SEZ6L2: variants seen among roughly 807,000 people sequenced by gnomAD.
SEZ6L2 encodes the protein seizure related 6 homolog like 2.
SEZ6L2 carries 44 observed loss-of-function variants against 97.0 expected under a neutral mutation model. The observed-to-expected ratio is 0.45, with a 90% CI of 0.36 to 0.58. The LOEUF (loss-of-function observed/expected upper bound fraction) is 0.58. Among genes scored for constraint, SEZ6L2 ranks in the 20% least tolerant of loss-of-function variants. The pLI is 0.00. For missense variants in SEZ6L2, 1,086 were observed against 1,233.3 expected (o/e 0.88, Z 1.79); for synonymous variants, 543 against 546.1 (o/e 0.99, Z 0.08).
chr16:29,875,722 G>A (rs1262140359), intron 12 of SEZ6L2, among the ~76,000 whole-genome samples: 1 of 141,814 alleles, frequency 7.1e-6, no homozygotes, highest in Admixed American at 7.2e-5. Flanking sequence ...GAATGCAATG[G>A]CACAATCTCA....
intron 7 of SEZ6L2, 187 bp from the exon 8 acceptor site, chr16:29,885,936 T>C (rs2068130440): frequency 5.7e-6 from 3 of 523,282 alleles, no homozygotes; most frequent in Non-Finnish European, 9.8e-6. Context: ...CAGACACTAT[T>C]ATTATCCTTT....
chr16:29,873,616 C>T lies in SEZ6L2; in HGVS notation c.2218G>A (p.Glu740Lys), dbSNP rs138142804. The part of the protein sequence containing the change: ...QYRCLPGYSL[E>K]GAAMLTCYSR... ...TAGCAGGTGAGCATGGCTGCCCCCT[C>T]GAGGCTGTACCCTGGCAGGCAGCGG... The change falls in exon 13 of 18, where the codon GAG becomes AAG. Residue 740 changes from glutamate (E) to lysine (K), a missense_variant. Physicochemically the swap from Glu to Lys is moderately conservative, Grantham distance 56 (BLOSUM62 1). Coordinates refer to ENST00000617533, the MANE Select transcript of SEZ6L2 (RefSeq NM_001243332.2). This position sits in a 1 kb window ranked among gnomAD's most constrained non-coding sequence, Gnocchi z 4.3. 8 of 1,613,936 alleles carry T rather than the reference C, an allele frequency of 5.0e-6. No homozygotes were observed. The highest frequency in any genetic ancestry group is 3.3e-5 in the South Asian group (3 of 91,092).
At chr16:29,890,542 T>C (rs1269842960) in intron 5 of SEZ6L2, among the ~76,000 whole-genome samples, 2 of 152,122 alleles carry the variant, frequency 1.3e-5, no homozygotes, top group South Asian at 4.1e-4. Context: ...AACACAGTTT[T>C]GTGACTCCTT....
At chr16:29,878,265 C>A in intron 10 of SEZ6L2, 22 bp downstream of exon 10, 1 of 1,577,198 alleles carries the variant, frequency 6.3e-7, no homozygotes, top group Non-Finnish European at 8.6e-7. Flanking sequence ...CCCGTCGCAC[C>A]CTCTGCAGGA....
In SEZ6L2 at chr16:29,879,887, T is replaced by C; in HGVS notation, c.1550A>G (p.Asn517Ser). 6.2e-7 allele frequency: 1 copy of C among 1,610,822 alleles called. No individual in the cohort carries two copies. Among genetic ancestry groups the C allele is most frequent in the Non-Finnish European group, 8.5e-7 (1 of 1,177,622 alleles). Reference sequence around the variant, plus strand: ...ACCTTTGCAGGCCGGCTCTGTGTCGTTCCAGTGGGGTTCTGTGGGATCCAC... The same window carrying C: ...ACCTTTGCAGGCCGGCTCTGTGTCGCTCCAGTGGGGTTCTGTGGGATCCAC... ...ECVDPTEPHWNDTEPACKAMC... is the reference protein window; with the variant it reads ...ECVDPTEPHWSDTEPACKAMC... The change falls in exon 9 of 18, where the codon AAC becomes AGC. Residue 517 changes from asparagine (N) to serine (S), a missense_variant. Transcript: ENST00000617533.
chr16:29,888,803 C>A (rs1018736961), intron 5 of SEZ6L2, 78 bp from the exon 6 acceptor site: 24 of 1,336,246 alleles, frequency 1.8e-5, no homozygotes, highest in Non-Finnish European at 2.4e-5. Context: ...GCACTTCCCC[C>A]CTCTCCTTTC....
At chr16:29,877,606 C>T (rs1177741060) in intron 10 of SEZ6L2, 139 bp from the exon 11 acceptor site, 4 of 796,060 alleles carry the variant, frequency 5.0e-6, no homozygotes, top group Middle Eastern at 3.3e-4. Context: ...CCAGGTCTGG[C>T]GCCGCCTCCG....
rs115003985 is a variant in SEZ6L2 at position 29,896,778 on chromosome 16, A to G, written c.511+44T>C. The G allele has an allele frequency of 1.8e-3, 2,853 of 1,572,626 alleles. 29 individuals are homozygous for G. In the African/African-American group the frequency reaches 0.03, roughly 17 times the overall value. On this transcript the variant is annotated intron_variant, in intron 3 of 17. Coordinates refer to ENST00000617533, the MANE Select transcript of SEZ6L2 (RefSeq NM_001243332.2). The stretch of plus-strand genomic sequence containing the variant: ...TCTCTCCCATCCATCCCCAGCGTGT[A>G]CCTCTCCGGTCCTCCCACCCCCATC...
rs199736048 is a variant in SEZ6L2, at chr16:29,896,804, C to A, written c.511+18G>T. The A allele has an allele frequency of 5.6e-6, 9 of 1,610,056 alleles. No homozygotes were observed. The highest frequency in any genetic ancestry group is 7.6e-6 in the Non-Finnish European group (9 of 1,177,594). On this transcript the variant is annotated intron_variant, in intron 3 of 17. Coordinates refer to ENST00000617533, the MANE Select transcript of SEZ6L2 (RefSeq NM_001243332.2). ...CCTCTCCGGTCCTCCCACCCCCATC[C>A]CCTTGCTGTCGCCTCACCTGGGCTG...
In SEZ6L2 at chr16:29,875,502, T is replaced by C. The variant is rs1481342170; in HGVS notation, c.2104+1254A>G. On this transcript the variant is annotated intron_variant, in intron 12 of 17. Transcript: ENST00000617533. Reference sequence around the variant, plus strand: ...GGCGGGAAGCTTTGTCCAGCCCAAATCTGGCTACCTGAAGCTTCTCCCCTT... The same window carrying C: ...GGCGGGAAGCTTTGTCCAGCCCAAACCTGGCTACCTGAAGCTTCTCCCCTT... 2.0e-5 allele frequency among the ~76,000 whole-genome samples: 3 copies of C among 152,232 alleles called. No homozygotes were observed. In the East Asian group the frequency reaches 5.8e-4, roughly 29 times the overall value.
At chr16:29,888,463 C>T (rs2068194600) in intron 6 of SEZ6L2, 77 bp downstream of exon 6, 1 of 1,496,580 alleles carries the variant, frequency 6.7e-7, no homozygotes, top group Non-Finnish European at 9.1e-7. Context: ...AGGTGGACAC[C>T]TGGACACCCC....
chr16:29,878,517 A>G, intron 9 of SEZ6L2, 92 bp from the exon 10 acceptor site: 1 of 1,034,198 alleles, frequency 9.7e-7, no homozygotes. Context: ...CGTGCACCAC[A>G]TCACCTCGCT....
Position 29,873,724 on chromosome 16 carries a change from T to G in SEZ6L2, c.2110A>C (p.Thr704Pro). Residue 704 changes from threonine (T) to proline (P), a missense_variant, in exon 13 of 18, where the codon ACT becomes CCT. This residue lies in a region of SEZ6L2 where 310 missense variants were observed against 438.6 expected (regional missense o/e 0.71). Transcript: ENST00000617533. This position sits in a 1 kb window ranked among gnomAD's most constrained non-coding sequence, Gnocchi z 4.3. ...AAPPACQKIMTCADPGEIANG... is the reference protein window; with the variant it reads ...AAPPACQKIMPCADPGEIANG... ...GCAATCTCGCCAGGGTCAGCACAAG[T>G]CATGACTGGTGGCAGAAGAACAAGG... The G allele has an allele frequency of 6.3e-7, 1 of 1,577,648 alleles. No individual in the cohort carries two copies. Among genetic ancestry groups the G allele is most frequent in the Non-Finnish European group, 8.6e-7 (1 of 1,163,416 alleles).
Position 29,896,853 on chromosome 16 carries a change from C to G in SEZ6L2, c.480G>C (p.Thr160=). ...TGGTCACCGTAGTGGTAACAGTTGTCGTGGTGATGATGGTGGTCGTCGTCT... is the reference window on the plus strand; with the variant it reads ...TGGTCACCGTAGTGGTAACAGTTGTGGTGGTGATGATGGTGGTCGTCGTCT... ...EEETTTTIIT[T]TTVTTTVTSP... Residue 160 remains threonine (T), a synonymous_variant, in exon 3 of 18, where the codon ACG becomes ACC. Transcript: ENST00000617533. The G allele has an allele frequency of 6.2e-7, 1 of 1,614,054 alleles. No individual in the cohort carries two copies. Among genetic ancestry groups the G allele is most frequent in the Non-Finnish European group, 8.5e-7 (1 of 1,179,982 alleles).
At position 29,873,190 on chromosome 16, in the gene SEZ6L2, G is replaced by A. The variant is rs1437625768; in HGVS notation, c.2488+50C>T. 1 of 1,598,622 alleles carries A rather than the reference G, an allele frequency of 6.3e-7. No individual in the cohort carries two copies. The highest frequency in any genetic ancestry group is 8.5e-7 in the Non-Finnish European group (1 of 1,170,492). ...TGTGCTACCTGACTCTCCCAGCCCT[G>A]TCACTTCCCGGACACTGGTGTGCCC... On this transcript the variant is annotated intron_variant, in intron 14 of 17. Transcript: ENST00000617533. The surrounding 1 kb of genome is among the most constrained non-coding windows in gnomAD (Gnocchi z 4.3).
intron 10 of SEZ6L2, among the ~76,000 whole-genome samples, chr16:29,877,883 T>A (rs2067944571): frequency 6.6e-6 from 1 of 152,176 alleles, no homozygotes; most frequent in South Asian, 2.1e-4. Context: ...TTCTGTGCCA[T>A]CTCATGACAC....
At chr16:29,877,194 G>C in intron 11 of SEZ6L2, 77 bp downstream of exon 11, 1 of 1,420,848 alleles carries the variant, frequency 7.0e-7, no homozygotes, top group East Asian at 2.5e-5. Context: ...ACAGGCGTGA[G>C]CCACCACGAC....
rs764439495 is a variant in SEZ6L2, at chr16:29,872,716, C to T, written c.2516G>A (p.Arg839Gln). 20 of 1,603,934 alleles carry T rather than the reference C, an allele frequency of 1.2e-5. No individual in the cohort carries two copies. Among genetic ancestry groups the T allele is most frequent in the Non-Finnish European group, 1.4e-5 (17 of 1,174,734 alleles). ...KVAYEELLDN[R>Q]KLEVTQTTDP... ...GTGCTCTCACTGACCTTCCAGTTTT[C>T]GGTTGTCCAGGAGCTCCTCATAGGC... The change falls in exon 15 of 18, where the codon CGA becomes CAA. Residue 839 changes from arginine to glutamine, a missense_variant. Arg to Gln is a conservative substitution (Grantham distance 43). Around this residue, in one of 2 missense-constraint regions of SEZ6L2, gnomAD observed 310 missense variants for 438.6 expected, o/e 0.71. Coordinates refer to ENST00000617533, the MANE Select transcript of SEZ6L2 (RefSeq NM_001243332.2).
At chr16:29,879,368 G>A (rs1023412435) in intron 9 of SEZ6L2, among the ~76,000 whole-genome samples, 2 of 151,928 alleles carry the variant, frequency 1.3e-5, no homozygotes, top group African/African-American at 4.8e-5. Context: ...TGGGATTACA[G>A]GCATGCATCA....
Sources: gnomAD v4.1 joint callset for allele counts (sites outside exome capture counted in the v4.1 genomes callset) on GRCh38, gnomAD v4.1.1 for gene constraint, gnomAD v4.1.1 regional missense constraint, Gnocchi (gnomAD v3.1) non-coding constraint, MANE v1.5 for transcripts, NCBI Gene and HGNC (gene_info 2026-07-23, HGNC 2026-07-21) for gene names.